The following EXTL3 variants were observed in gnomAD, a reference collection of about 807,000 sequenced individuals.
EXTL3 encodes exostosin like glycosyltransferase 3.
EXTL3 carries 27 observed loss-of-function variants against 69.3 expected under a neutral mutation model. The ratio of observed to expected loss-of-function variants is 0.39; its 90% CI spans 0.29 to 0.54. EXTL3 has a LOEUF of 0.54. Among genes scored for constraint, EXTL3 ranks in the 20% least tolerant of loss-of-function variants. The pLI, the probability that EXTL3 is intolerant of heterozygous loss-of-function variation, is 0.69. For missense variants in EXTL3, 1,003 were observed against 1,231.8 expected, an observed-to-expected ratio of 0.81 and a Z score of 2.78; for synonymous variants, 511 against 499.4, an observed-to-expected ratio of 1.02 and a Z score of -0.31.
chr8:28,637,179 C>T (rs1205059370), intron 1 of EXTL3: 2 of 152,176 alleles, frequency 1.3e-5, no homozygotes, highest in Non-Finnish European at 2.9e-5. Context: ...AATCAAACTT[C>T]TAGATTCCAT....
chr8:28,731,637 G>C lies in EXTL3; in HGVS notation c.2276+287G>C, dbSNP rs1585287245. Among the ~76,000 whole-genome samples the C allele has an allele frequency of 2.0e-5, 3 of 152,188 alleles. No individual in the cohort carries two copies. In the East Asian group the frequency reaches 5.8e-4, roughly 29 times the overall value. On this transcript the variant is annotated intron_variant, in intron 4 of 6. Coordinates refer to ENST00000220562, the MANE Select transcript of EXTL3 (RefSeq NM_001440.4). The stretch of plus-strand genomic sequence containing the variant: ...TTACCTGCCTGTTCCTGGTGCTGCA[G>C]GTGTATCATCCTTAAATCCAAACCA...
intron 6 of EXTL3, among the ~76,000 whole-genome samples, chr8:28,747,970 C>T (rs890371152): frequency 4.6e-5 from 7 of 152,042 alleles, no homozygotes; most frequent in African/African-American, 1.7e-4. Flanking sequence ...TCAAGTGATC[C>T]GCCCACCTTG....
intron 1 of EXTL3, among the ~76,000 whole-genome samples, chr8:28,637,010 G>C (rs1206636929): frequency 6.6e-6 from 1 of 151,774 alleles, no homozygotes; most frequent in Non-Finnish European, 1.5e-5. Context: ...GGGTGGAGGG[G>C]GTGGGGCGGG....
At chr8:28,628,524 C>T (rs1806527976) in intron 1 of EXTL3, among the ~76,000 whole-genome samples, 1 of 152,172 alleles carries the variant, frequency 6.6e-6, no homozygotes, top group African/African-American at 2.4e-5. Flanking sequence ...AGCGAGACCT[C>T]ATCGCTTCAA....
At chr8:28,719,119 A>G (rs982484361) in intron 3 of EXTL3, among the ~76,000 whole-genome samples, 1 of 152,232 alleles carries the variant, frequency 6.6e-6, no homozygotes, top group Non-Finnish European at 1.5e-5. Context: ...ACACGTTGCT[A>G]GAAGTCTCGG....
chr8:28,743,998 A>G (rs1801832376), intron 6 of EXTL3: 1 of 152,758 alleles, frequency 6.5e-6, no homozygotes, highest in Non-Finnish European at 1.5e-5. Flanking sequence ...TGGAGGTATT[A>G]ACACATACAC....
downstream of EXTL3, among the ~76,000 whole-genome samples, chr8:28,756,491 C>T (rs1048966770): frequency 2.6e-5 from 4 of 152,072 alleles, no homozygotes; most frequent in Non-Finnish European, 4.4e-5. Context: ...AAAATCTGTC[C>T]GTTCTATTAT....
chr8:28,739,215 G>C (rs778490109), intron 5 of EXTL3, among the ~76,000 whole-genome samples: 21 of 152,178 alleles, frequency 1.4e-4, no homozygotes, highest in African/African-American at 5.1e-4. Flanking sequence ...TCCCAGGAAA[G>C]CTCACCGTCT....
chr8:28,709,346 T>G (rs1800985578), intron 1 of EXTL3, among the ~76,000 whole-genome samples: 1 of 152,198 alleles, frequency 6.6e-6, no homozygotes, highest in Admixed American at 6.5e-5. Context: ...CATAATTATT[T>G]AAGATATTAG....
intron 3 of EXTL3, among the ~76,000 whole-genome samples, chr8:28,724,521 A>G (rs940140377): frequency 6.6e-6 from 1 of 151,838 alleles, no homozygotes; most frequent in Non-Finnish European, 1.5e-5. Context: ...TAATCCCAGC[A>G]CTTTGGGAGG....
intron 1 of EXTL3, among the ~76,000 whole-genome samples, chr8:28,712,514 G>A (rs1204615142): frequency 1.3e-5 from 2 of 152,102 alleles, no homozygotes; most frequent in Non-Finnish European, 2.9e-5. Flanking sequence ...ATTGTATATG[G>A]AATAAAAAAA....
chr8:28,680,250 G>T (rs1438718317), intron 1 of EXTL3, among the ~76,000 whole-genome samples: 3 of 151,796 alleles, frequency 2.0e-5, no homozygotes, highest in African/African-American at 7.3e-5. Flanking sequence ...AATTAGCTGG[G>T]CATGATGGCA....
intron 6 of EXTL3, among the ~76,000 whole-genome samples, chr8:28,748,319 C>T (rs904932435): frequency 2.0e-5 from 3 of 150,410 alleles, no homozygotes; most frequent in Non-Finnish European, 4.4e-5. Context: ...CGTAGTGAGC[C>T]GAGATCACCG....
chr8:28,686,485 G>A (rs1169916339), intron 1 of EXTL3, among the ~76,000 whole-genome samples: 2 of 152,118 alleles, frequency 1.3e-5, no homozygotes, highest in Non-Finnish European at 1.5e-5. Flanking sequence ...CTTCATGTGT[G>A]GAGATTAAGC....
chr8:28,648,647 G>A (rs1806871514), intron 1 of EXTL3, among the ~76,000 whole-genome samples: 1 of 152,040 alleles, frequency 6.6e-6, no homozygotes, highest in Non-Finnish European at 1.5e-5. Flanking sequence ...CCTTCCAGAG[G>A]CCACTACTGT....
At chr8:28,637,914 C>T (rs936678366) in intron 1 of EXTL3, among the ~76,000 whole-genome samples, 19 of 152,204 alleles carry the variant, frequency 1.2e-4, no homozygotes, top group Admixed American at 1.2e-3. Flanking sequence ...ATGAAACTAT[C>T]CTTGCAAAAG....
In EXTL3 at chr8:28,716,081, C is replaced by T. The variant is rs780815544; in HGVS notation, c.22C>T (p.Arg8Trp). 94 of 1,609,358 alleles carry T rather than the reference C, an allele frequency of 5.8e-5. 1 individual carries two copies. The highest frequency in any genetic ancestry group is 1.7e-4 in the Middle Eastern group (1 of 5,990). The change falls in exon 3 of 7, where the codon CGG (arginine) becomes TGG (tryptophan). Residue 8 changes from arginine to tryptophan, a missense_variant. Coordinates refer to ENST00000220562, the MANE Select transcript of EXTL3 (RefSeq NM_001440.4). This position sits in a 1 kb window ranked among gnomAD's most constrained non-coding sequence, Gnocchi z 7.1. MTGYTML[R>W]NGGAGNGGQT... ...ACTCATGACAGGCTATACCATGCTG[C>T]GGAATGGGGGCGCGGGGAACGGAGG...
chr8:28,676,441 C>A (rs1244205068), intron 1 of EXTL3, among the ~76,000 whole-genome samples: 2 of 152,074 alleles, frequency 1.3e-5, no homozygotes, highest in Admixed American at 1.3e-4. Context: ...TGTCACACAA[C>A]CCAGATTATT....
chr8:28,747,728 C>CT (rs71549697), intron 6 of EXTL3, among the ~76,000 whole-genome samples: 19,886 of 124,720 alleles, frequency 0.16, 1,950 homozygotes, highest in Non-Finnish European at 0.21. Context: ...TTTTCTTTTT[C>CT]TTTTTTTTTT....
Sources: allele counts gnomAD v4.1 joint callset (sites outside exome capture counted in the v4.1 genomes callset), GRCh38; gene constraint gnomAD v4.1.1; non-coding constraint Gnocchi (gnomAD v3.1); transcripts MANE v1.5; gene names NCBI Gene and HGNC (gene_info 2026-07-23, HGNC 2026-07-21).